The following NRXN3 variants were observed in gnomAD, a reference collection of about 807,000 sequenced individuals.
NRXN3 encodes neurexin 3.
Under a neutral mutation model 137.6 loss-of-function variants are expected in NRXN3, and 32 were observed. The observed-to-expected ratio is 0.23, with a 90% CI of 0.18 to 0.31. The LOEUF (loss-of-function observed/expected upper bound fraction) is 0.31. NRXN3 is among the 10% of genes least tolerant of loss of function. The probability of loss-of-function intolerance (pLI) is 1.00; values close to 1 mark genes in which losing one functional copy is unlikely to be tolerated. For missense variants in NRXN3, 1,574 were observed against 2,062.5 expected (o/e 0.76, Z 4.59); for synonymous variants, 798 against 784.5 (o/e 1.02, Z -0.29).
intron 10 of NRXN3, among the ~76,000 whole-genome samples, chr14:78,845,978 G>A (rs960808998): frequency 6.6e-6 from 1 of 150,992 alleles, no homozygotes; most frequent in Non-Finnish European, 1.5e-5. Context: ...CTCAGCCAAC[G>A]CTTTAGAGAT....
In NRXN3 at chr14:79,316,576, TA is replaced by T. The variant is rs375975373; in HGVS notation, c.3263-150644del. On this transcript the variant is annotated intron_variant, in intron 15 of 20. Coordinates refer to ENST00000335750, the MANE Select transcript of NRXN3 (RefSeq NM_001330195.2). Reference sequence around the variant, plus strand: ...GACATTCATCATCTATTTATGCAAGTATTTTAACATTTTAATAATTGATACA... The same window carrying T: ...GACATTCATCATCTATTTATGCAAGTTTTTAACATTTTAATAATTGATACA... 2.0e-5 allele frequency among the ~76,000 whole-genome samples: 3 copies of T among 152,310 alleles called. No individual in the cohort carries two copies. The South Asian group carries it at 6.2e-4, about 32-fold the overall frequency.
At chr14:79,042,120 T>G (rs1272423509) in intron 15 of NRXN3, among the ~76,000 whole-genome samples, 1 of 152,146 alleles carries the variant, frequency 6.6e-6, no homozygotes, top group Non-Finnish European at 1.5e-5. Context: ...AACCAAACAT[T>G]CCACTCCTCA....
chr14:78,805,621 C>G (rs1936189627), intron 9 of NRXN3, among the ~76,000 whole-genome samples: 1 of 150,836 alleles, frequency 6.6e-6, no homozygotes, highest in South Asian at 2.1e-4. Context: ...AAAACAGAAC[C>G]AAATACAACC....
intron 4 of NRXN3, among the ~76,000 whole-genome samples, chr14:78,468,846 G>A (rs1240086153): frequency 6.6e-6 from 1 of 152,120 alleles, no homozygotes; most frequent in Non-Finnish European, 1.5e-5. Context: ...TGTGTGAGGT[G>A]CTCTGCCAGT....
At chr14:79,802,627 A>G (rs1415003738) in intron 19 of NRXN3, among the ~76,000 whole-genome samples, 1 of 152,148 alleles carries the variant, frequency 6.6e-6, no homozygotes, top group African/African-American at 2.4e-5. Context: ...GGTCCTTCCA[A>G]AATAGTGTTT....
chr14:78,860,824 G>A (rs1372009691), intron 10 of NRXN3, among the ~76,000 whole-genome samples: 2 of 152,040 alleles, frequency 1.3e-5, no homozygotes, highest in Non-Finnish European at 2.9e-5. Flanking sequence ...AGTTAGTCTT[G>A]CTGTCTCAGG....
chr14:79,358,607 G>GAAAGAAAGAGAAAGAAAGAAAGAA (rs10667477), intron 15 of NRXN3, among the ~76,000 whole-genome samples: 1 of 79,982 alleles, frequency 1.3e-5, no homozygotes, highest in Non-Finnish European at 2.6e-5. Flanking sequence ...AAGAAAGAAA[G>GAAAGAAAGAGAAAGAAAGAAAGAA]AGAAAGAAAG....
At chr14:79,001,616 C>T (rs1427504534) in intron 15 of NRXN3, among the ~76,000 whole-genome samples, 3 of 152,166 alleles carry the variant, frequency 2.0e-5, no homozygotes, top group East Asian at 1.9e-4. Flanking sequence ...CCTATTTTCC[C>T]GAGTCTTCTT....
At chr14:79,851,312 C>CA (rs1005269116) in intron 20 of NRXN3, among the ~76,000 whole-genome samples, 1 of 151,948 alleles carries the variant, frequency 6.6e-6, no homozygotes, top group Middle Eastern at 3.4e-3. Context: ...ATAATTAGTC[C>CA]AAAAAAATCA....
chr14:79,639,340 AT>A (rs1289498455), intron 16 of NRXN3, among the ~76,000 whole-genome samples: 2 of 151,958 alleles, frequency 1.3e-5, no homozygotes, highest in African/African-American at 4.8e-5. Context: ...CCCAATAGTT[AT>A]TTTTTTCTGC....
At chr14:79,349,045 A>G (rs1420055521) in intron 15 of NRXN3, among the ~76,000 whole-genome samples, 1 of 152,174 alleles carries the variant, frequency 6.6e-6, no homozygotes, top group South Asian at 2.1e-4. Context: ...ATTAATTATC[A>G]TTACCTAAAT....
At chr14:78,704,305 G>A (rs2098323269) in intron 6 of NRXN3, among the ~76,000 whole-genome samples, 1 of 152,182 alleles carries the variant, frequency 6.6e-6, no homozygotes, top group African/African-American at 2.4e-5. Context: ...TTATCAGATT[G>A]TGGGATCACC....
At chr14:78,970,935 C>A (rs150916466) in intron 14 of NRXN3, among the ~76,000 whole-genome samples, 1 of 152,270 alleles carries the variant, frequency 6.6e-6, no homozygotes, top group East Asian at 1.9e-4. Flanking sequence ...GAGCATTATG[C>A]CTACCCCGCT....
chr14:78,914,032 A>G (rs2099248288), intron 10 of NRXN3, among the ~76,000 whole-genome samples: 1 of 152,160 alleles, frequency 6.6e-6, no homozygotes, highest in Non-Finnish European at 1.5e-5. Context: ...AACTGATCTG[A>G]GCCAAGAAAG....
intron 19 of NRXN3, among the ~76,000 whole-genome samples, chr14:79,803,061 A>G (rs2099188148): frequency 6.6e-6 from 1 of 152,088 alleles, no homozygotes; most frequent in African/African-American, 2.4e-5. Flanking sequence ...AAAAATAAAA[A>G]TTCTTTTTTT....
Position 78,662,825 on chromosome 14 carries a change from A to G in NRXN3, c.1221+11499A>G, listed in dbSNP as rs538473435. ...GTAAGAGTTGAGGTTCCCAGCCACT[A>G]TCATCACCTATTACTCACTTACAAG... is the stretch of plus-strand genomic sequence containing the variant. On this transcript the variant is annotated intron_variant, in intron 6 of 20. Transcript: ENST00000335750. Among the ~76,000 whole-genome samples the G allele has an allele frequency of 2.6e-5, 4 of 152,318 alleles. No homozygotes were observed. The East Asian group carries it at 7.7e-4, about 29-fold the overall frequency.
At chr14:79,118,149 A>G (rs930771090) in intron 15 of NRXN3, among the ~76,000 whole-genome samples, 3 of 150,082 alleles carry the variant, frequency 2.0e-5, no homozygotes, top group Admixed American at 2.0e-4. Context: ...ATCCACATAC[A>G]TGAGGGAAAA....
At chr14:79,143,765 A>G (rs2059033422) in intron 15 of NRXN3, among the ~76,000 whole-genome samples, 1 of 152,198 alleles carries the variant, frequency 6.6e-6, no homozygotes, top group Non-Finnish European at 1.5e-5. Context: ...TTCAAAAAGT[A>G]ATATTTTTTC....
At chr14:78,854,323 C>T (rs1186561603) in intron 10 of NRXN3, among the ~76,000 whole-genome samples, 2 of 152,134 alleles carry the variant, frequency 1.3e-5, no homozygotes, top group Non-Finnish European at 2.9e-5. Context: ...GGCTAGTGGT[C>T]ACATTTTACT....
Sources: gnomAD v4.1 joint callset for allele counts (sites outside exome capture counted in the v4.1 genomes callset) on GRCh38, gnomAD v4.1.1 for gene constraint, MANE v1.5 for transcripts, NCBI Gene and HGNC (gene_info 2026-07-23, HGNC 2026-07-21) for gene names.